RGS6: variants seen among roughly 807,000 people sequenced by gnomAD.
RGS6 encodes the protein regulator of G-protein signaling 6.
Under a neutral mutation model 78.5 loss-of-function variants are expected in RGS6, and 30 were observed. The observed-to-expected ratio is 0.38, with a 90% CI of 0.29 to 0.52. The LOEUF (loss-of-function observed/expected upper bound fraction) is 0.52, where lower values mean the gene tolerates loss of function less well. Among genes scored for constraint, RGS6 ranks in the 20% least tolerant of loss-of-function variants. RGS6 has a pLI of 0.85. For synonymous variants in RGS6, 206 were observed against 206.0 expected (o/e 1.00, Z 0.00); for missense variants, 495 against 609.7 (o/e 0.81, Z 1.98).
At chr14:72,537,318 G>A (rs1325605823) in intron 16 of RGS6, among the ~76,000 whole-genome samples, 1 of 152,192 alleles carries the variant, frequency 6.6e-6, no homozygotes, top group Non-Finnish European at 1.5e-5. Flanking sequence ...TCTGTGTGCT[G>A]TCACCCTCAT....
chr14:72,354,868 A>G (rs911502022), intron 3 of RGS6, among the ~76,000 whole-genome samples: 2 of 152,170 alleles, frequency 1.3e-5, no homozygotes, highest in African/African-American at 2.4e-5. Flanking sequence ...ATTTATGTAA[A>G]TGAAATTTTA....
intron 2 of RGS6, among the ~76,000 whole-genome samples, chr14:72,335,836 G>T (rs1391012769): frequency 6.6e-6 from 1 of 152,142 alleles, no homozygotes; most frequent in Non-Finnish European, 1.5e-5. Flanking sequence ...AAGATATTCG[G>T]GAAGAAGATC....
At chr14:72,310,356 GA>G (rs1178154707) in intron 2 of RGS6, among the ~76,000 whole-genome samples, 1 of 152,196 alleles carries the variant, frequency 6.6e-6, no homozygotes, top group Admixed American at 6.5e-5. Flanking sequence ...TTCATTTTAA[GA>G]GCCTCCCTGG....
At chr14:72,021,363 C>T (rs546577005) in intron 2 of RGS6, among the ~76,000 whole-genome samples, 36 of 152,192 alleles carry the variant, frequency 2.4e-4, no homozygotes, top group Middle Eastern at 3.4e-3. Flanking sequence ...CACTGGAACA[C>T]GTAAGCCATC....
chr14:72,186,114 G>A (rs972629084), intron 2 of RGS6, among the ~76,000 whole-genome samples: 6 of 152,192 alleles, frequency 3.9e-5, no homozygotes, highest in African/African-American at 9.7e-5. Context: ...ATTTGAGTCC[G>A]GTGCCTTTGA....
chr14:72,485,590 G>C (rs1430899901), intron 12 of RGS6, among the ~76,000 whole-genome samples: 1 of 152,192 alleles, frequency 6.6e-6, no homozygotes, highest in East Asian at 1.9e-4. Context: ...GGGCTGCCTT[G>C]ATGAACTTGC....
chr14:72,507,479 TC>T (rs1366239529), intron 13 of RGS6, among the ~76,000 whole-genome samples: 2 of 152,228 alleles, frequency 1.3e-5, no homozygotes, highest in Non-Finnish European at 2.9e-5. Flanking sequence ...CACCAGGGTA[TC>T]CTGTCTCTCT....
chr14:72,215,061 G>T (rs574007763), intron 2 of RGS6, among the ~76,000 whole-genome samples: 2 of 152,292 alleles, frequency 1.3e-5, no homozygotes, highest in East Asian at 3.9e-4. Flanking sequence ...TGAGTTCCAG[G>T]TAACACAGAC....
chr14:72,030,721 C>G (rs1355017931), intron 2 of RGS6, among the ~76,000 whole-genome samples: 1 of 152,156 alleles, frequency 6.6e-6, no homozygotes, highest in Non-Finnish European at 1.5e-5. Context: ...TTGGAAACTT[C>G]TTGTGTTAAC....
chr14:72,411,531 C>T (rs575487154), intron 3 of RGS6, among the ~76,000 whole-genome samples: 300 of 152,294 alleles, frequency 2.0e-3, no homozygotes, highest in African/African-American at 6.9e-3. Flanking sequence ...ATTTGACTTC[C>T]TCTTTTCCTA....
intron 2 of RGS6, among the ~76,000 whole-genome samples, chr14:72,340,337 G>A (rs1409377346): frequency 6.6e-6 from 1 of 152,148 alleles, no homozygotes; most frequent in Non-Finnish European, 1.5e-5. Context: ...ACTATCTGGA[G>A]CAGGGAGCCT....
At chr14:72,368,601 C>G (rs76805733) in intron 3 of RGS6, among the ~76,000 whole-genome samples, 69 of 152,254 alleles carry the variant, frequency 4.5e-4, no homozygotes, top group African/African-American at 1.6e-3. Context: ...TAATGAACTT[C>G]CCTGCCTCCC....
chr14:72,453,095 T>G (rs2095536861), intron 3 of RGS6, among the ~76,000 whole-genome samples: 2 of 152,142 alleles, frequency 1.3e-5, no homozygotes, highest in Non-Finnish European at 2.9e-5. Flanking sequence ...GGTTGGGGTT[T>G]GTTTTTCTAT....
In RGS6 at chr14:72,152,729, G is replaced by A. The variant is rs148387223; in HGVS notation, c.84+187854G>A. ...TTTAGAAGTTATTAATGACTGAGAAGCTCCTCTGGCACTTCAGGGGAGGGA... is the reference window on the plus strand; with the variant it reads ...TTTAGAAGTTATTAATGACTGAGAAACTCCTCTGGCACTTCAGGGGAGGGA... On this transcript the variant is annotated intron_variant, in intron 2 of 17. Transcript: ENST00000553525. 4.3e-3 allele frequency among the ~76,000 whole-genome samples: 650 copies of A among 152,268 alleles called. 1 individual carries two copies. The highest frequency in any genetic ancestry group is 0.015 in the African/African-American group (606 of 41,548).
chr14:72,598,956 C>A, the RGS6 span, among the ~76,000 whole-genome samples: 1 of 152,188 alleles, frequency 6.6e-6, no homozygotes, highest in Non-Finnish European at 1.5e-5. Flanking sequence ...CTCTATTACC[C>A]TAAACAAGTT....
At chr14:72,369,224 G>A (rs1207945237) in intron 3 of RGS6, among the ~76,000 whole-genome samples, 2 of 152,188 alleles carry the variant, frequency 1.3e-5, no homozygotes, top group Non-Finnish European at 2.9e-5. Flanking sequence ...ACAAATGAGA[G>A]TCTGAGGAAA....
chr14:72,359,857 T>G (rs1239483869), intron 3 of RGS6, among the ~76,000 whole-genome samples: 2 of 152,172 alleles, frequency 1.3e-5, no homozygotes, highest in Non-Finnish European at 2.9e-5. Flanking sequence ...AATTCATTGC[T>G]GACCTTGGTA....
chr14:72,570,427 A>G (rs2097718968), downstream of RGS6, among the ~76,000 whole-genome samples: 2 of 152,226 alleles, frequency 1.3e-5, no homozygotes. Context: ...AGAGTGGGAA[A>G]TGGAACTATA....
intron 15 of RGS6, among the ~76,000 whole-genome samples, chr14:72,532,967 T>C (rs976418067): frequency 9.9e-5 from 15 of 152,246 alleles, no homozygotes; most frequent in Non-Finnish European, 1.9e-4. Flanking sequence ...GCTAAGATCA[T>C]TGATGAAGGT....
Sources: allele counts gnomAD v4.1 joint callset (sites outside exome capture counted in the v4.1 genomes callset), GRCh38; gene constraint gnomAD v4.1.1; transcripts MANE v1.5; gene names NCBI Gene and HGNC (gene_info 2026-07-23, HGNC 2026-07-21).